Variants in WNT11 observed in about 807,000 individuals in gnomAD.
WNT11 encodes protein Wnt-11.
WNT11 carries 20 observed loss-of-function variants against 35.6 expected under a neutral mutation model. The observed-to-expected ratio is 0.56, with a 90% CI of 0.40 to 0.82. WNT11 has a LOEUF of 0.82. Ranked by LOEUF, WNT11 falls within the 40% of genes least tolerant of loss-of-function variation. The probability of loss-of-function intolerance (pLI) is 0.00; values close to 1 mark genes in which losing one functional copy is unlikely to be tolerated. For missense variants in WNT11, 459 were observed against 504.4 expected, an observed-to-expected ratio of 0.91 and a Z score of 0.86; for synonymous variants, 200 against 211.9, an observed-to-expected ratio of 0.94 and a Z score of 0.49.
intron 1 of WNT11, among the ~76,000 whole-genome samples, chr11:76,197,542 C>T (rs1006702446): frequency 1.3e-5 from 2 of 152,158 alleles, no homozygotes; most frequent in African/African-American, 2.4e-5. Context: ...TGCACATTTA[C>T]GTTTTAAAGG....
intron 1 of WNT11, among the ~76,000 whole-genome samples, chr11:76,201,712 C>T (rs1322885753): frequency 6.6e-6 from 1 of 152,162 alleles, no homozygotes; most frequent in Non-Finnish European, 1.5e-5. Flanking sequence ...CAGCAGCTCT[C>T]TCCCTGTGAG....
intron 1 of WNT11, among the ~76,000 whole-genome samples, chr11:76,199,588 A>G (rs1037582301): frequency 1.4e-4 from 22 of 152,116 alleles, no homozygotes; most frequent in African/African-American, 5.3e-4. Context: ...GCAAATCATG[A>G]GGTCAGAAGA....
Position 76,191,848 on chromosome 11 carries a change from G to T in WNT11, c.606C>A (p.Arg202=), listed in dbSNP as rs371219834. ...ACTTACACTTCATTTCCAGAGAGGC[G>T]CGCAGAGCCTGCGGACAGGGGAAGG... ...HNSEVGRQAL[R]ASLEMKCKCH... Residue 202 remains arginine, a synonymous_variant, in exon 4 of 5, where the codon CGC becomes CGA. Transcript: ENST00000322563. 4.4e-6 allele frequency: 7 copies of T among 1,598,636 alleles called. No homozygotes were observed. The highest frequency in any genetic ancestry group is 5.9e-6 in the Non-Finnish European group (7 of 1,177,538).
At position 76,196,662 on chromosome 11, in the gene WNT11, T is replaced by C. The variant is rs762353612; in HGVS notation, c.140A>G (p.Gln47Arg). 2.5e-6 allele frequency: 4 copies of C among 1,613,632 alleles called. No individual in the cohort carries two copies. The highest frequency in any genetic ancestry group is 2.2e-5 in the South Asian group (2 of 91,080). The stretch of plus-strand genomic sequence containing the variant: ...CTGTGCAGACACCAGACCCTCCAGC[T>C]GCTTGCAGTGTTGCGTCTGGTTCAG... ...LALNQTQHCK[Q>R]LEGLVSAQVQ... Residue 47 changes from glutamine to arginine, a missense_variant, in exon 2 of 5, where the codon CAG becomes CGG. Coordinates refer to ENST00000322563, the MANE Select transcript of WNT11 (RefSeq NM_004626.3).
At chr11:76,202,676 C>T (rs1953400225) in intron 1 of WNT11, among the ~76,000 whole-genome samples, 1 of 152,174 alleles carries the variant, frequency 6.6e-6, no homozygotes, top group Non-Finnish European at 1.5e-5. Context: ...TCGGAAGTGC[C>T]CCTTCTTCAC....
chr11:76,196,594 C>A lies in WNT11; in HGVS notation c.208G>T (p.Val70Leu). The A allele has an allele frequency of 6.2e-7, 1 of 1,613,650 alleles. No individual in the cohort carries two copies. The highest frequency in any genetic ancestry group is 8.5e-7 in the Non-Finnish European group (1 of 1,180,046). Residue 70 changes from valine to leucine, a missense_variant, in exon 2 of 5, where the codon GTG becomes TTG. Coordinates refer to ENST00000322563, the MANE Select transcript of WNT11 (RefSeq NM_004626.3). Reference sequence around the variant, plus strand: ...TTCATGACCTCGCGGGCGGCGTGCACCACCGTGTGCATGAGCTCCAGGTTG... The same window carrying A: ...TTCATGACCTCGCGGGCGGCGTGCAACACCGTGTGCATGAGCTCCAGGTTG... Reference protein sequence around the residue: ...RSNLELMHTVVHAAREVMKAC... With the variant: ...RSNLELMHTVLHAAREVMKAC...
chr11:76,203,118 G>A (rs959023427), intron 1 of WNT11, among the ~76,000 whole-genome samples: 1 of 152,254 alleles, frequency 6.6e-6, no homozygotes, highest in Non-Finnish European at 1.5e-5. Flanking sequence ...GGCCCGGAAA[G>A]GGCAGGGCTT....
At chr11:76,195,433 C>T (rs781442555) in intron 2 of WNT11, among the ~76,000 whole-genome samples, 2 of 152,198 alleles carry the variant, frequency 1.3e-5, no homozygotes, top group African/African-American at 2.4e-5. Context: ...AGGCAGAGAC[C>T]GCAGTGACAC....
At chr11:76,206,099 G>C (rs1953467392) in intron 1 of WNT11, among the ~76,000 whole-genome samples, 1 of 152,172 alleles carries the variant, frequency 6.6e-6, no homozygotes, top group South Asian at 2.1e-4. Context: ...AGGACCAGGC[G>C]CTTCCATTGT....
At position 76,206,314 on chromosome 11, in the gene WNT11, T is replaced by C. The variant is rs1205320562; in HGVS notation, c.83+11A>G. 6.5e-7 allele frequency: 1 copy of C among 1,542,030 alleles called. No individual in the cohort carries two copies. The highest frequency in any genetic ancestry group is 2.5e-5 in the East Asian group (1 of 39,682). ...CTGGCCTGTGCGCGTGGACGCGGGG[T>C]CCCTACTCACAGCCACTTGATGCCA... On this transcript the variant is annotated intron_variant, in intron 1 of 4. Coordinates refer to ENST00000322563, the MANE Select transcript of WNT11 (RefSeq NM_004626.3).
intron 1 of WNT11, among the ~76,000 whole-genome samples, chr11:76,201,117 A>T (rs1173235972): frequency 6.6e-6 from 1 of 152,198 alleles, no homozygotes; most frequent in Non-Finnish European, 1.5e-5. Flanking sequence ...CCTCCCCAGA[A>T]GGCTCAGGGA....
intron 1 of WNT11, among the ~76,000 whole-genome samples, chr11:76,199,219 C>T (rs1176713319): frequency 1.3e-5 from 2 of 152,042 alleles, no homozygotes; most frequent in African/African-American, 2.4e-5. Flanking sequence ...GGGGTTGTTG[C>T]TCATGTCTAT....
rs953372342 is a variant in WNT11 at position 76,187,320 on chromosome 11, C to T, written c.891-81G>A. ...ACCCCATGACTCCCAGCCAGGCAGC[C>T]GGCAGCGTCTCCCATGGCCACCGAC... On this transcript the variant is annotated intron_variant, in intron 4 of 4. Transcript: ENST00000322563. The T allele has an allele frequency of 4.0e-5, 55 of 1,381,814 alleles. No homozygotes were observed. In the Admixed American group the frequency reaches 6.4e-4, roughly 16 times the overall value. 85.6% of individuals were successfully genotyped at this position (1,381,814 alleles called of 1,614,324 possible).
intron 3 of WNT11, among the ~76,000 whole-genome samples, chr11:76,193,248 C>T (rs1953211953): frequency 6.6e-6 from 1 of 152,256 alleles, no homozygotes; most frequent in South Asian, 2.1e-4. Context: ...CTCACGCAGC[C>T]CTGCACCTTG....
chr11:76,187,554 C>T (rs1016025557), intron 4 of WNT11, among the ~76,000 whole-genome samples: 161 of 151,998 alleles, frequency 1.1e-3, no homozygotes, highest in African/African-American at 3.9e-3. Flanking sequence ...GCCTTGACCC[C>T]CGCCTTCCCC....
rs1953103203 is a variant in WNT11, at chr11:76,186,877, C to G, written c.*188G>C. 1.2e-6 allele frequency: 1 copy of G among 842,970 alleles called. No individual in the cohort carries two copies. Among genetic ancestry groups the G allele is most frequent in the South Asian group, 1.4e-5 (1 of 69,614 alleles). The allele number at this position is 842,970 out of a possible 1,614,324, so 52.2% of individuals were successfully genotyped here. A position where few individuals can be genotyped will look rare whatever the true frequency, so the allele number is the denominator to read the frequency against. On this transcript the variant is annotated 3_prime_UTR_variant, in exon 5 of 5. Transcript: ENST00000322563. ...TCGGTTTCCTTTGATGTCCTGCCCT[C>G]CTTCCAGGGTGGCCAGACCTTCTGT...
upstream of WNT11, among the ~76,000 whole-genome samples, chr11:76,208,884 C>A (rs1197995108): frequency 6.6e-6 from 1 of 152,182 alleles, no homozygotes; most frequent in Non-Finnish European, 1.5e-5. Context: ...CCGGGACAGC[C>A]GCGCAGGCCA....
At position 76,194,454 on chromosome 11, in the gene WNT11, G is replaced by C. The variant is rs1044310283; in HGVS notation, c.597+113C>G. ...ATGGTGCGAGGCACATCAGGTGTGG[G>C]CCAGTCAGGGCCCGTCCCCCCGCAC... On this transcript the variant is annotated intron_variant, in intron 3 of 4. Coordinates refer to ENST00000322563, the MANE Select transcript of WNT11 (RefSeq NM_004626.3). The surrounding 1 kb of genome is among the most constrained non-coding windows in gnomAD (Gnocchi z 5.4). 3.5e-5 allele frequency: 44 copies of C among 1,269,508 alleles called. No homozygotes were observed. The highest frequency in any genetic ancestry group is 4.6e-5 in the Non-Finnish European group (43 of 932,588). 78.6% of individuals were successfully genotyped at this position (1,269,508 alleles called of 1,614,324 possible).
chr11:76,186,640 C>A lies in WNT11; in HGVS notation c.*425G>T. Reference sequence around the variant, plus strand: ...CATTTACAACCCAAGCTAGTGATTCCATGTGGTGGGCCCAGCAGGCTCAGA... The same window carrying A: ...CATTTACAACCCAAGCTAGTGATTCAATGTGGTGGGCCCAGCAGGCTCAGA... On this transcript the variant is annotated 3_prime_UTR_variant, in exon 5 of 5. Coordinates refer to ENST00000322563, the MANE Select transcript of WNT11 (RefSeq NM_004626.3). The A allele has an allele frequency of 3.5e-6, 1 of 282,848 alleles. No homozygotes were observed. Among genetic ancestry groups the A allele is most frequent in the Non-Finnish European group, 7.1e-6 (1 of 140,846 alleles). 17.5% of individuals were successfully genotyped at this position (282,848 alleles called of 1,614,324 possible).
Sources: allele counts gnomAD v4.1 joint callset (sites outside exome capture counted in the v4.1 genomes callset), GRCh38; gene constraint gnomAD v4.1.1; non-coding constraint Gnocchi (gnomAD v3.1); transcripts MANE v1.5; gene names NCBI Gene and HGNC (gene_info 2026-07-23, HGNC 2026-07-21).